ADARB1: variants seen among roughly 807,000 people sequenced by gnomAD.
ADARB1 encodes double-stranded RNA-specific editase 1.
Under a neutral mutation model 52.4 loss-of-function variants are expected in ADARB1, and 10 were observed. The ratio of observed to expected loss-of-function variants is 0.19; its 90% CI spans 0.12 to 0.32. The LOEUF (loss-of-function observed/expected upper bound fraction) is 0.32, where lower values mean the gene tolerates loss of function less well. ADARB1 is among the 10% of genes least tolerant of loss of function. ADARB1 has a pLI of 1.00. For synonymous variants in ADARB1, 349 were observed against 371.1 expected (o/e 0.94, Z 0.68); for missense variants, 643 against 922.3 (o/e 0.70, Z 3.92).
At chr21:45,105,242 A>G (rs1268353736) in intron 1 of ADARB1, among the ~76,000 whole-genome samples, 1 of 152,166 alleles carries the variant, frequency 6.6e-6, no homozygotes, top group Non-Finnish European at 1.5e-5. Flanking sequence ...CTGGGATTAC[A>G]GGTGCCCGCC....
intron 1 of ADARB1, among the ~76,000 whole-genome samples, chr21:45,095,463 C>A (rs1223886502): frequency 6.6e-6 from 1 of 152,222 alleles, no homozygotes; most frequent in Non-Finnish European, 1.5e-5. Context: ...AGCTCTTCCC[C>A]CAGTGGTGTG....
chr21:45,220,689 T>C lies in ADARB1; in HGVS notation c.1748-147T>C, dbSNP rs1362301922. 1.2e-6 allele frequency: 1 copy of C among 813,372 alleles called. No individual in the cohort carries two copies. The allele number at this position is 813,372 out of a possible 1,614,324, so 50.4% of individuals were successfully genotyped here. A position where few individuals can be genotyped will look rare whatever the true frequency, so the allele number is the denominator to read the frequency against. On this transcript the variant is annotated intron_variant, in intron 9 of 10. Coordinates refer to ENST00000348831, the MANE Select transcript of ADARB1 (RefSeq NM_001112.4). This position sits in a 1 kb window ranked among gnomAD's most constrained non-coding sequence, Gnocchi z 6.3. ...GGCCACTGCCACGGCAGATGCACGC[T>C]CAAGTCTGCGTATATTCCTCGGCAG... is the stretch of plus-strand genomic sequence containing the variant.
Position 45,179,130 on chromosome 21 carries a change from C to T in ADARB1, c.964-1200C>T, listed in dbSNP as rs1403575725. On this transcript the variant is annotated intron_variant, in intron 4 of 10. Transcript: ENST00000348831. ...ATGCGTCGCCCCTTCCCTCTGGCAC[C>T]CTGGCCACGTCCTGTGTTTCTGTCA... is the stretch of plus-strand genomic sequence containing the variant. Among the ~76,000 whole-genome samples, 6 of 152,190 alleles carry T rather than the reference C, an allele frequency of 3.9e-5. No individual in the cohort carries two copies. The East Asian group carries it at 1.2e-3, about 29-fold the overall frequency.
intron 1 of ADARB1, among the ~76,000 whole-genome samples, chr21:45,093,354 A>G (rs1225486112): frequency 6.6e-6 from 1 of 152,194 alleles, no homozygotes; most frequent in African/African-American, 2.4e-5. Flanking sequence ...AGGCGAGGGC[A>G]CACCGGGCTT....
chr21:45,136,688 G>A (rs955209437), intron 2 of ADARB1, among the ~76,000 whole-genome samples: 5 of 152,252 alleles, frequency 3.3e-5, no homozygotes, highest in Admixed American at 3.3e-4. Context: ...GCTGCTGGGA[G>A]AGCAGGGGTG....
intron 2 of ADARB1, among the ~76,000 whole-genome samples, chr21:45,165,086 C>G (rs1039648867): frequency 1.3e-5 from 2 of 152,192 alleles, no homozygotes; most frequent in Admixed American, 6.5e-5. Context: ...GGCCCACCCC[C>G]GCCCAGCCAC....
At chr21:45,207,235 A>G (rs764787729) in intron 9 of ADARB1, among the ~76,000 whole-genome samples, 1 of 152,274 alleles carries the variant, frequency 6.6e-6, no homozygotes, top group Non-Finnish European at 1.5e-5. Flanking sequence ...ACTATTTGAA[A>G]TATCTTATTT....
Position 45,223,037 on chromosome 21 carries a change from AG to A in ADARB1, c.*842del, listed in dbSNP as rs1196472548. The A allele has an allele frequency of 1.0e-6, 1 of 985,352 alleles. No homozygotes were observed. Among genetic ancestry groups the A allele is most frequent in the African/African-American group, 1.7e-5 (1 of 57,242 alleles). 61.0% of individuals were successfully genotyped at this position (985,352 alleles called of 1,614,324 possible). A position where few individuals can be genotyped will look rare whatever the true frequency, so the allele number is the denominator to read the frequency against. The stretch of plus-strand genomic sequence containing the variant: ...GTAATCCCAGGCTGGCCATTCATTC[AG>A]GTTTTTTAAAGGATATTTAACTTTT... On this transcript the variant is annotated 3_prime_UTR_variant, in exon 11 of 11. Transcript: ENST00000348831.
Position 45,176,811 on chromosome 21 carries a change from G to A in ADARB1, c.963+147G>A. 2 of 982,060 alleles carry A rather than the reference G, an allele frequency of 2.0e-6. No individual in the cohort carries two copies. The highest frequency in any genetic ancestry group is 5.3e-5 in the East Asian group (2 of 37,822). 60.8% of individuals were successfully genotyped at this position (982,060 alleles called of 1,614,324 possible). On this transcript the variant is annotated intron_variant, in intron 4 of 10. Coordinates refer to ENST00000348831, the MANE Select transcript of ADARB1 (RefSeq NM_001112.4). This position sits in a 1 kb window ranked among gnomAD's most constrained non-coding sequence, Gnocchi z 5.8. ...GGAGGAGTTACTGGTAAGTCTGGCT[G>A]CTTGATTTCCATGGCCATGTGGCCA...
intron 9 of ADARB1, among the ~76,000 whole-genome samples, chr21:45,206,863 C>T (rs1196953003): frequency 1.3e-5 from 2 of 152,130 alleles, no homozygotes; most frequent in East Asian, 1.9e-4. Flanking sequence ...CGTGAGCCAC[C>T]GTGCCTGGCC....
chr21:45,191,135 G>A (rs1436930840), intron 8 of ADARB1, among the ~76,000 whole-genome samples: 1 of 152,144 alleles, frequency 6.6e-6, no homozygotes, highest in Non-Finnish European at 1.5e-5. Context: ...TGTTGAAGTC[G>A]TAGTCCAAAC....
intron 2 of ADARB1, among the ~76,000 whole-genome samples, chr21:45,168,366 G>A (rs1459555470): frequency 1.3e-5 from 2 of 152,058 alleles, no homozygotes; most frequent in African/African-American, 4.8e-5. Context: ...TTGTGCTTTT[G>A]GTGTGAAGTC....
chr21:45,080,740 C>T (rs189279210), intron 1 of ADARB1, among the ~76,000 whole-genome samples: 1 of 152,308 alleles, frequency 6.6e-6, no homozygotes, highest in East Asian at 1.9e-4. Flanking sequence ...ATTCAGTACT[C>T]AGAGGACTAG....
intron 2 of ADARB1, among the ~76,000 whole-genome samples, chr21:45,165,929 G>T (rs1328275871): frequency 6.6e-6 from 1 of 151,936 alleles, no homozygotes; most frequent in East Asian, 1.9e-4. Context: ...TTTTTGAGGG[G>T]AAAATGGATT....
intron 8 of ADARB1, among the ~76,000 whole-genome samples, chr21:45,185,570 G>T (rs1219826035): frequency 6.6e-6 from 1 of 152,172 alleles, no homozygotes; most frequent in Non-Finnish European, 1.5e-5. Flanking sequence ...GCCATTCTGT[G>T]CCTGGGTGTG....
chr21:45,137,827 G>T (rs1346981230), intron 2 of ADARB1, among the ~76,000 whole-genome samples: 3 of 152,098 alleles, frequency 2.0e-5, no homozygotes, highest in Admixed American at 2.0e-4. Context: ...TGGAAAGCTG[G>T]GTTTGTTTTC....
chr21:45,147,434 G>A (rs551209054), intron 2 of ADARB1, among the ~76,000 whole-genome samples: 49 of 152,322 alleles, frequency 3.2e-4, no homozygotes, highest in Admixed American at 7.2e-4. Flanking sequence ...AGGAGATCCC[G>A]AACTCCCAGC....
intron 1 of ADARB1, among the ~76,000 whole-genome samples, chr21:45,123,273 A>G (rs2088316087): frequency 1.7e-5 from 1 of 58,450 alleles, no homozygotes; most frequent in Non-Finnish European, 3.6e-5. Flanking sequence ...AATATATACT[A>G]CGTGTGTGTG....
Position 45,194,887 on chromosome 21 carries a change from C to T in ADARB1, c.1566-9668C>T, listed in dbSNP as rs779718798. Among the ~76,000 whole-genome samples the T allele has an allele frequency of 7.2e-4, 110 of 152,234 alleles. No homozygotes were observed. The Middle Eastern group carries it at 0.014, about 19-fold the overall frequency. The stretch of plus-strand genomic sequence containing the variant: ...TAAAGCAGCTATAAATATCTGTGTG[C>T]AGGTTTTTTTGTGGACATGAGTTTT... On this transcript the variant is annotated intron_variant, in intron 8 of 10. Coordinates refer to ENST00000348831, the MANE Select transcript of ADARB1 (RefSeq NM_001112.4).
Sources: allele counts gnomAD v4.1 joint callset (sites outside exome capture counted in the v4.1 genomes callset), GRCh38; gene constraint gnomAD v4.1.1; non-coding constraint Gnocchi (gnomAD v3.1); transcripts MANE v1.5; gene names NCBI Gene and HGNC (gene_info 2026-07-23, HGNC 2026-07-21).